The following SH3GL3 variants were observed in gnomAD, a reference collection of about 807,000 sequenced individuals.
SH3GL3 encodes the protein endophilin-A3.
In SH3GL3, 33 loss-of-function variants were observed where a neutral mutation model predicts 47.7. The observed-to-expected ratio is 0.69, with a 90% CI of 0.52 to 0.92. SH3GL3 has a LOEUF of 0.92. Ranked by LOEUF, SH3GL3 falls within the 40% of genes least tolerant of loss-of-function variation. SH3GL3 has a pLI of 0.00. For missense variants in SH3GL3, 363 were observed against 417.8 expected (o/e 0.87, Z 1.14); for synonymous variants, 155 against 148.8 (o/e 1.04, Z -0.30).
rs922726066 is a variant in SH3GL3 at position 83,486,557 on chromosome 15, G to A, written c.45+38979G>A. ...AGTGTTTTTGATATTCATCCATATT[G>A]TAGCATGTATCAGTACTTTATTCCT... On this transcript the variant is annotated intron_variant, in intron 1 of 8. Transcript: ENST00000427482. Among the ~76,000 whole-genome samples, 3 of 152,120 alleles carry A rather than the reference G, an allele frequency of 2.0e-5. No homozygotes were observed. In the East Asian group the frequency reaches 5.8e-4, roughly 29 times the overall value.
chr15:83,510,007 G>C lies in SH3GL3; in HGVS notation c.46-49246G>C, dbSNP rs146848646. Among the ~76,000 whole-genome samples the C allele has an allele frequency of 4.8e-3, 737 of 152,158 alleles. 3 individuals are homozygous for C. Among genetic ancestry groups the C allele is most frequent in the African/African-American group, 0.017 (685 of 41,502 alleles). On this transcript the variant is annotated intron_variant, in intron 1 of 8. Coordinates refer to ENST00000427482, the MANE Select transcript of SH3GL3 (RefSeq NM_003027.5). ...GCATGCCCAGTGCTAGATTCGAAGC[G>C]AATATATTAATGTATGTGTTCACCC...
chr15:83,491,130 A>G (rs1393388615), intron 1 of SH3GL3, among the ~76,000 whole-genome samples: 1 of 152,220 alleles, frequency 6.6e-6, no homozygotes, highest in Non-Finnish European at 1.5e-5. Context: ...AAAGTAAGAC[A>G]TTAGAAGTCC....
downstream of SH3GL3, among the ~76,000 whole-genome samples, chr15:83,623,521 T>C (rs1238280405): frequency 1.3e-5 from 2 of 152,220 alleles, no homozygotes; most frequent in African/African-American, 4.8e-5. Context: ...GCCAAAATGC[T>C]TTCTCAAGTC....
chr15:83,591,894 T>A (rs898190103), intron 8 of SH3GL3, among the ~76,000 whole-genome samples: 3 of 150,964 alleles, frequency 2.0e-5, no homozygotes, highest in Admixed American at 6.6e-5. Flanking sequence ...ACTGCGGTGT[T>A]GATCTCCTGA....
intron 8 of SH3GL3, among the ~76,000 whole-genome samples, chr15:83,610,609 A>C (rs1327488481): frequency 6.6e-6 from 1 of 152,182 alleles, no homozygotes; most frequent in African/African-American, 2.4e-5. Flanking sequence ...AACAATTTTC[A>C]GGGGGTATAT....
intron 1 of SH3GL3, among the ~76,000 whole-genome samples, chr15:83,507,977 C>G (rs2042582693): frequency 6.6e-6 from 1 of 152,108 alleles, no homozygotes; most frequent in Non-Finnish European, 1.5e-5. Flanking sequence ...GAGTCTTGCT[C>G]TGTCACCAGG....
intron 6 of SH3GL3, among the ~76,000 whole-genome samples, chr15:83,581,494 C>A (rs143545721): frequency 6.6e-6 from 1 of 152,170 alleles, no homozygotes; most frequent in African/African-American, 2.4e-5. Flanking sequence ...GCAGAGAGAG[C>A]GGGTGCAGAG....
intron 1 of SH3GL3, among the ~76,000 whole-genome samples, chr15:83,516,909 T>A (rs2043001800): frequency 6.6e-6 from 1 of 152,312 alleles, no homozygotes; most frequent in African/African-American, 2.4e-5. Context: ...GTCAACATTT[T>A]TTTTTTTAAA....
At chr15:83,480,626 C>T (rs77783237) in intron 1 of SH3GL3, among the ~76,000 whole-genome samples, 6,186 of 152,162 alleles carry the variant, frequency 0.041, 415 homozygotes, top group African/African-American at 0.14. Context: ...TGGAGTCAAC[C>T]AAAAGAAGGT....
intron 7 of SH3GL3, 115 bp downstream of exon 7, chr15:83,587,201 T>C: frequency 1.7e-6 from 1 of 592,112 alleles, no homozygotes; most frequent in Non-Finnish European, 3.0e-6. Context: ...CATTCTGTTT[T>C]GAATTTTCTT....
At chr15:83,581,256 A>G (rs2059820671) in intron 6 of SH3GL3, among the ~76,000 whole-genome samples, 1 of 152,238 alleles carries the variant, frequency 6.6e-6, no homozygotes, top group African/African-American at 2.4e-5. Context: ...TTTCTGGCCA[A>G]CAGGCCATTT....
At chr15:83,466,784 G>C (rs2040589005) in intron 1 of SH3GL3, among the ~76,000 whole-genome samples, 1 of 152,128 alleles carries the variant, frequency 6.6e-6, no homozygotes, top group African/African-American at 2.4e-5. Flanking sequence ...GTTTTAATTT[G>C]CGTTTCCCTA....
intron 1 of SH3GL3, among the ~76,000 whole-genome samples, chr15:83,551,122 A>C (rs2044647707): frequency 6.6e-6 from 1 of 152,074 alleles, no homozygotes; most frequent in African/African-American, 2.4e-5. Flanking sequence ...ACGTTTCCCA[A>C]ATAAATTTCT....
chr15:83,548,055 CT>C (rs891648540), intron 1 of SH3GL3, among the ~76,000 whole-genome samples: 1 of 151,114 alleles, frequency 6.6e-6, no homozygotes, highest in African/African-American at 2.4e-5. Context: ...TTATAACACA[CT>C]TTTTTTTAAT....
At chr15:83,501,984 G>C (rs2042316634) in intron 1 of SH3GL3, among the ~76,000 whole-genome samples, 1 of 152,202 alleles carries the variant, frequency 6.6e-6, no homozygotes, top group South Asian at 2.1e-4. Flanking sequence ...AGAAAAATAG[G>C]TGTTTTATAA....
chr15:83,450,713 T>A (rs923515595), intron 1 of SH3GL3, among the ~76,000 whole-genome samples: 4 of 150,048 alleles, frequency 2.7e-5, no homozygotes, highest in Admixed American at 2.6e-4. Flanking sequence ...TTCTTTTTTT[T>A]TTTTTTTCTA....
intron 6 of SH3GL3, among the ~76,000 whole-genome samples, chr15:83,581,801 G>A (rs759839021): frequency 7.2e-5 from 11 of 152,130 alleles, no homozygotes; most frequent in South Asian, 4.1e-4. Flanking sequence ...AGTCTCCTTC[G>A]GCCCCACACT....
At chr15:83,617,797 C>A (rs895947432) in intron 8 of SH3GL3, among the ~76,000 whole-genome samples, 7 of 152,194 alleles carry the variant, frequency 4.6e-5, no homozygotes, top group African/African-American at 7.2e-5. Flanking sequence ...CTTAGGGCTC[C>A]AGGTGGAGCT....
chr15:83,621,246 C>G (rs973009031), downstream of SH3GL3, among the ~76,000 whole-genome samples: 1 of 152,206 alleles, frequency 6.6e-6, no homozygotes, highest in Non-Finnish European at 1.5e-5. Flanking sequence ...AGGCAAGAGG[C>G]CTAACTTTCA....
Sources: allele counts gnomAD v4.1 joint callset (sites outside exome capture counted in the v4.1 genomes callset), GRCh38; gene constraint gnomAD v4.1.1; transcripts MANE v1.5; gene names NCBI Gene and HGNC (gene_info 2026-07-23, HGNC 2026-07-21).